LCLAT1: variants seen among roughly 807,000 people sequenced by gnomAD.
LCLAT1 encodes lysocardiolipin acyltransferase 1.
A neutral mutation model predicts 30.7 loss-of-function variants in LCLAT1; 11 were observed. That is an observed-to-expected ratio of 0.36 (90% CI 0.23 to 0.59). LCLAT1 has a LOEUF of 0.59. Among genes scored for constraint, LCLAT1 ranks in the 20% least tolerant of loss-of-function variants. The probability of loss-of-function intolerance (pLI) is 0.77; values close to 1 mark genes in which losing one functional copy is unlikely to be tolerated. For synonymous variants in LCLAT1, 155 were observed against 151.3 expected, an observed-to-expected ratio of 1.02 and a Z score of -0.18; for missense variants, 402 against 458.6, an observed-to-expected ratio of 0.88 and a Z score of 1.13.
At chr2:30,625,133 T>C (rs950049761) in intron 5 of LCLAT1, among the ~76,000 whole-genome samples, 2 of 152,106 alleles carry the variant, frequency 1.3e-5, no homozygotes, top group Non-Finnish European at 2.9e-5. Context: ...TAAATGCCTA[T>C]ATCAAAAAGT....
At chr2:30,613,258 T>A (rs1348856486) in intron 5 of LCLAT1, among the ~76,000 whole-genome samples, 1 of 151,152 alleles carries the variant, frequency 6.6e-6, no homozygotes, top group Non-Finnish European at 1.5e-5. Flanking sequence ...GGAGAAGGGG[T>A]GAAGGGGGAG....
chr2:30,610,064 G>A (rs1032009579), intron 5 of LCLAT1, among the ~76,000 whole-genome samples: 1 of 152,060 alleles, frequency 6.6e-6, no homozygotes. Context: ...GTTTCTACAT[G>A]TACAAATTGA....
At chr2:30,525,513 C>A in intron 1 of LCLAT1, 74 bp from the exon 2 acceptor site, 1 of 1,136,364 alleles carries the variant, frequency 8.8e-7, no homozygotes, top group Non-Finnish European at 1.3e-6. Context: ...TCATTCTATG[C>A]TCCATCATCC....
At chr2:30,512,788 G>A (rs1685003278) in intron 1 of LCLAT1, among the ~76,000 whole-genome samples, 1 of 152,098 alleles carries the variant, frequency 6.6e-6, no homozygotes, top group Non-Finnish European at 1.5e-5. Context: ...TGCCTGCTTA[G>A]TATTTCATAA....
rs75192437 is a variant in LCLAT1 at position 30,583,236 on chromosome 2, G to C, written c.628+15060G>C. On this transcript the variant is annotated intron_variant, in intron 5 of 5. Transcript: ENST00000379509. Reference sequence around the variant, plus strand: ...ATTTGCAATTTGAGGAGCTAAACCAGAAGTTTCTCAGATGCATCTATTGCC... The same window carrying C: ...ATTTGCAATTTGAGGAGCTAAACCACAAGTTTCTCAGATGCATCTATTGCC... 9.6e-3 allele frequency among the ~76,000 whole-genome samples: 1,456 copies of C among 152,326 alleles called. 19 individuals carry two copies. Among genetic ancestry groups the C allele is most frequent in the African/African-American group, 0.033 (1,357 of 41,562 alleles).
chr2:30,483,511 C>T (rs1452740935), intron 1 of LCLAT1, among the ~76,000 whole-genome samples: 1 of 152,082 alleles, frequency 6.6e-6, no homozygotes, highest in Non-Finnish European at 1.5e-5. Context: ...TGTCTACCTC[C>T]ATAGGGTTGT....
chr2:30,490,613 T>C (rs1683793832), intron 1 of LCLAT1, among the ~76,000 whole-genome samples: 1 of 152,264 alleles, frequency 6.6e-6, no homozygotes, highest in Admixed American at 6.5e-5. Flanking sequence ...TTTCTTCATC[T>C]GTAAAGTAGT....
intron 1 of LCLAT1, among the ~76,000 whole-genome samples, chr2:30,449,831 A>T (rs1198117682): frequency 3.9e-5 from 6 of 152,220 alleles, no homozygotes; most frequent in Non-Finnish European, 1.5e-5. Flanking sequence ...GGAAGCACAA[A>T]TCAATAATTG....
chr2:30,481,330 G>C (rs1683309859), intron 1 of LCLAT1, among the ~76,000 whole-genome samples: 1 of 152,216 alleles, frequency 6.6e-6, no homozygotes, highest in Admixed American at 6.5e-5. Context: ...CTGCAGCTAA[G>C]ATAATGTGTT....
At chr2:30,500,865 T>G (rs1019345112) in intron 1 of LCLAT1, among the ~76,000 whole-genome samples, 20 of 152,188 alleles carry the variant, frequency 1.3e-4, no homozygotes, top group Non-Finnish European at 2.8e-4. Flanking sequence ...AGACAGTTAC[T>G]GTTGTCTTAT....
chr2:30,513,234 GATTA>G (rs1476162607), intron 1 of LCLAT1, among the ~76,000 whole-genome samples: 1 of 151,808 alleles, frequency 6.6e-6, no homozygotes, highest in Non-Finnish European at 1.5e-5. Context: ...ACTGAGTTTA[GATTA>G]ATTATTAATG....
chr2:30,595,698 A>G (rs1401282068), intron 5 of LCLAT1, among the ~76,000 whole-genome samples: 1 of 152,144 alleles, frequency 6.6e-6, no homozygotes, highest in East Asian at 1.9e-4. Context: ...TTACATAGGA[A>G]AATGTGTGCC....
At position 30,577,394 on chromosome 2, in the gene LCLAT1, G is replaced by A. The variant is rs148569807; in HGVS notation, c.628+9218G>A. Among the ~76,000 whole-genome samples, 967 of 152,086 alleles carry A rather than the reference G, an allele frequency of 6.4e-3. 15 individuals are homozygous for A. Among genetic ancestry groups the A allele is most frequent in the African/African-American group, 0.022 (918 of 41,482 alleles). ...CCCTCCACACAAGAGTATTGCATTC[G>A]GCCACATGGGGTAAATTCCAAGGAT... On this transcript the variant is annotated intron_variant, in intron 5 of 5. Transcript: ENST00000379509.
At chr2:30,558,023 G>A (rs1572622944) in intron 3 of LCLAT1, among the ~76,000 whole-genome samples, 1 of 152,112 alleles carries the variant, frequency 6.6e-6, no homozygotes. Flanking sequence ...ATGAACTAGT[G>A]AAAGCTAAAA....
intron 1 of LCLAT1, among the ~76,000 whole-genome samples, chr2:30,480,656 G>T (rs1007951383): frequency 1.3e-5 from 2 of 152,220 alleles, no homozygotes; most frequent in Admixed American, 1.3e-4. Flanking sequence ...GGGAGGCCTA[G>T]GCGAGGGGAT....
Position 30,568,064 on chromosome 2 carries a change from C to G in LCLAT1, c.516C>G (p.Asn172Lys). 2.6e-6 allele frequency: 4 copies of G among 1,521,200 alleles called. No homozygotes were observed. The highest frequency in any genetic ancestry group is 3.6e-6 in the Non-Finnish European group (4 of 1,103,590). 94.2% of individuals were successfully genotyped at this position (1,521,200 alleles called of 1,614,324 possible). Residue 172 changes from asparagine to lysine, a missense_variant, in exon 5 of 6, where the codon AAC becomes AAG. Physicochemically the swap from Asn to Lys is moderately conservative, Grantham distance 94. Coordinates refer to ENST00000379509, the MANE Select transcript of LCLAT1 (RefSeq NM_001002257.3). ...ATGGTCCATTGTTTTGTTTAGAAAA[C>G]AGCAAGTCTCGAAGTAATGCATTTG... Reference protein sequence around the residue: ...IFPEGTDLTENSKSRSNAFAE... With the variant: ...IFPEGTDLTEKSKSRSNAFAE...
intron 5 of LCLAT1, among the ~76,000 whole-genome samples, chr2:30,577,509 GTAAT>G (rs1047993357): frequency 6.6e-6 from 1 of 152,018 alleles, no homozygotes; most frequent in Admixed American, 6.6e-5. Context: ...TTATTTTGTG[GTAAT>G]TAATAACTTA....
At chr2:30,489,487 G>GGAC (rs1371060233) in intron 1 of LCLAT1, among the ~76,000 whole-genome samples, 3 of 152,066 alleles carry the variant, frequency 2.0e-5, no homozygotes, top group African/African-American at 7.2e-5. Context: ...TGAGTAGCTG[G>GGAC]GACTACAGGT....
At chr2:30,464,729 T>A (rs73922647) in intron 1 of LCLAT1, among the ~76,000 whole-genome samples, 112 of 152,294 alleles carry the variant, frequency 7.4e-4, no homozygotes, top group African/African-American at 2.6e-3. Context: ...ATTCCCGAGT[T>A]AATTTCAGTG....
Sources: allele counts gnomAD v4.1 joint callset (sites outside exome capture counted in the v4.1 genomes callset), GRCh38; gene constraint gnomAD v4.1.1; transcripts MANE v1.5; gene names NCBI Gene and HGNC (gene_info 2026-07-23, HGNC 2026-07-21).